Variants in LUZP2 observed in about 807,000 individuals in gnomAD.
LUZP2 encodes the protein leucine zipper protein 2.
A neutral mutation model predicts 51.6 loss-of-function variants in LUZP2; 52 were observed. The observed-to-expected ratio is 1.01, with a 90% CI of 0.81 to 1.27. The LOEUF is 1.27. Ranked by LOEUF, LUZP2 falls within the 50% of genes most tolerant of loss-of-function variation. The probability of loss-of-function intolerance (pLI) is 0.00; values close to 1 mark genes in which losing one functional copy is unlikely to be tolerated. For missense variants in LUZP2, 436 were observed against 395.4 expected (o/e 1.10, Z -0.87); for synonymous variants, 154 against 137.3 (o/e 1.12, Z -0.85).
At chr11:24,987,735 C>T (rs920271448) in intron 9 of LUZP2, among the ~76,000 whole-genome samples, 2 of 151,822 alleles carry the variant, frequency 1.3e-5, no homozygotes, top group Non-Finnish European at 1.5e-5. Context: ...TTTCTTGGTG[C>T]CTGGAAGTTT....
intron 4 of LUZP2, among the ~76,000 whole-genome samples, chr11:24,747,090 C>G (rs2087100): frequency 7.2e-5 from 11 of 152,078 alleles, no homozygotes; most frequent in Non-Finnish European, 1.5e-4. Flanking sequence ...TGCTGGTGAG[C>G]TAGTGTGATT....
intron 5 of LUZP2, among the ~76,000 whole-genome samples, chr11:24,879,871 A>G (rs1852403662): frequency 8.1e-6 from 1 of 123,384 alleles, no homozygotes; most frequent in South Asian, 2.7e-4. Flanking sequence ...CTCTCCTCAT[A>G]CAGAAGGAAG....
In LUZP2 at chr11:24,884,051, G is replaced by A. The variant is rs79521411; in HGVS notation, c.397-21940G>A. Reference sequence around the variant, plus strand: ...TGTTCAAGCCTTAACTGGGAAGATTGGGGTGAGAATATCTTTAGGAGTAAT... The same window carrying A: ...TGTTCAAGCCTTAACTGGGAAGATTAGGGTGAGAATATCTTTAGGAGTAAT... On this transcript the variant is annotated intron_variant, in intron 5 of 11. Coordinates refer to ENST00000336930, the MANE Select transcript of LUZP2 (RefSeq NM_001009909.4). 4.8e-3 allele frequency among the ~76,000 whole-genome samples: 735 copies of A among 152,070 alleles called. 4 individuals are homozygous for A. Among genetic ancestry groups the A allele is most frequent in the Middle Eastern group, 0.027 (8 of 294 alleles).
intron 5 of LUZP2, among the ~76,000 whole-genome samples, chr11:24,864,177 C>T (rs1565013088): frequency 1.3e-5 from 2 of 152,056 alleles, no homozygotes; most frequent in African/African-American, 2.4e-5. Flanking sequence ...TTATAGTGTA[C>T]TTATGTGTTG....
At chr11:24,866,914 A>G (rs2134258036) in intron 5 of LUZP2, among the ~76,000 whole-genome samples, 1 of 152,208 alleles carries the variant, frequency 6.6e-6, no homozygotes, top group Non-Finnish European at 1.5e-5. Context: ...GTGGGAGATG[A>G]GACTGGAGAT....
intron 1 of LUZP2, among the ~76,000 whole-genome samples, chr11:24,547,923 T>A (rs1038516383): frequency 2.6e-5 from 4 of 152,048 alleles, no homozygotes; most frequent in Admixed American, 1.3e-4. Context: ...AGAAGACATC[T>A]ATGTGGCCAA....
At chr11:24,779,827 T>A (rs2134071432) in intron 5 of LUZP2, among the ~76,000 whole-genome samples, 1 of 151,730 alleles carries the variant, frequency 6.6e-6, no homozygotes, top group South Asian at 2.1e-4. Context: ...CAGAGAGAGA[T>A]TTGACACACA....
At chr11:24,745,584 A>C (rs1403445702) in intron 4 of LUZP2, among the ~76,000 whole-genome samples, 1 of 152,030 alleles carries the variant, frequency 6.6e-6, no homozygotes, top group East Asian at 1.9e-4. Flanking sequence ...CTTTACTTTA[A>C]GTTTATATGA....
intron 1 of LUZP2, among the ~76,000 whole-genome samples, chr11:24,649,295 C>T (rs1389720479): frequency 6.6e-6 from 1 of 151,906 alleles, no homozygotes; most frequent in Admixed American, 6.6e-5. Context: ...AAAGAAGTAA[C>T]TCTTTCACCT....
intron 5 of LUZP2, among the ~76,000 whole-genome samples, chr11:24,803,417 A>T (rs1433648411): frequency 6.6e-6 from 1 of 152,116 alleles, no homozygotes; most frequent in East Asian, 1.9e-4. Flanking sequence ...GAGAAATTGG[A>T]ATCCTTGCAC....
rs183311710 is a variant in LUZP2, at chr11:24,587,404, G to T, written c.62+90099G>T. Among the ~76,000 whole-genome samples the T allele has an allele frequency of 1.3e-4, 20 of 152,208 alleles. 1 individual carries two copies. Among genetic ancestry groups the T allele is most frequent in the African/African-American group, 4.8e-4 (20 of 41,562 alleles). On this transcript the variant is annotated intron_variant, in intron 1 of 11. Transcript: ENST00000336930. ...TGCTAGGAACAATCACTCTTCCAAG[G>T]TGAGAGATGGGGGAGGGGTCAAGAA...
At position 24,879,152 on chromosome 11, in the gene LUZP2, G is replaced by A. The variant is rs192603268; in HGVS notation, c.397-26839G>A. Among the ~76,000 whole-genome samples, 372 of 152,020 alleles carry A rather than the reference G, an allele frequency of 2.4e-3. 2 individuals carry two copies. Among genetic ancestry groups the A allele is most frequent in the African/African-American group, 8.5e-3 (351 of 41,490 alleles). ...GTACAGACAGGTTTTCACTGTGTTA[G>A]CCAGGATGGTCTTGATCTCCTGACC... On this transcript the variant is annotated intron_variant, in intron 5 of 11. Coordinates refer to ENST00000336930, the MANE Select transcript of LUZP2 (RefSeq NM_001009909.4).
intron 10 of LUZP2, among the ~76,000 whole-genome samples, chr11:25,068,568 G>A (rs553867045): frequency 3.9e-5 from 6 of 151,902 alleles, no homozygotes; most frequent in Admixed American, 1.3e-4. Context: ...CAATTCTTTC[G>A]CTGGAGGAAG....
intron 1 of LUZP2, among the ~76,000 whole-genome samples, chr11:24,526,365 T>C (rs569723877): frequency 5.8e-4 from 88 of 151,418 alleles, no homozygotes; most frequent in African/African-American, 2.0e-3. Context: ...TTGTGATTCA[T>C]TGACCAAATG....
chr11:25,010,577 T>G (rs1479705530), intron 9 of LUZP2, among the ~76,000 whole-genome samples: 1 of 151,334 alleles, frequency 6.6e-6, no homozygotes, highest in African/African-American at 2.4e-5. Context: ...CCGGGAGTGG[T>G]GGCTCACACG....
intron 1 of LUZP2, among the ~76,000 whole-genome samples, chr11:24,638,070 G>A (rs923120769): frequency 7.3e-5 from 11 of 151,596 alleles, no homozygotes; most frequent in Non-Finnish European, 1.5e-4. Context: ...CAACACTTAG[G>A]GAAAATAGAA....
chr11:25,044,967 C>A (rs1328882476), intron 9 of LUZP2, among the ~76,000 whole-genome samples: 1 of 143,408 alleles, frequency 7.0e-6, no homozygotes, highest in Non-Finnish European at 1.5e-5. Flanking sequence ...GGACAAAAAA[C>A]CAAACACCAC....
At chr11:24,613,542 C>G in intron 1 of LUZP2, among the ~76,000 whole-genome samples, 1 of 149,888 alleles carries the variant, frequency 6.7e-6, no homozygotes, top group Non-Finnish European at 1.5e-5. Context: ...TTAATAAGTC[C>G]CAGTTCAGAT....
At chr11:24,667,492 T>C (rs1340014968) in intron 1 of LUZP2, among the ~76,000 whole-genome samples, 2 of 152,170 alleles carry the variant, frequency 1.3e-5, no homozygotes, top group Non-Finnish European at 2.9e-5. Context: ...CCACATGTTC[T>C]TAAATGTATA....
Sources: gnomAD v4.1 joint callset for allele counts (sites outside exome capture counted in the v4.1 genomes callset) on GRCh38, gnomAD v4.1.1 for gene constraint, MANE v1.5 for transcripts, NCBI Gene and HGNC (gene_info 2026-07-23, HGNC 2026-07-21) for gene names.